SHC3: variants seen among roughly 807,000 people sequenced by gnomAD.
SHC3 encodes SHC-transforming protein 3.
In SHC3, 15 loss-of-function variants were observed where a neutral mutation model predicts 60.4. That is an observed-to-expected ratio of 0.25 (90% CI 0.17 to 0.38). The LOEUF is 0.38. Among genes scored for constraint, SHC3 ranks in the 10% least tolerant of loss-of-function variants. The pLI is 1.00. For missense variants in SHC3, 677 were observed against 786.1 expected (o/e 0.86, Z 1.66); for synonymous variants, 294 against 325.9 (o/e 0.90, Z 1.05).
At position 89,009,163 on chromosome 9, in the gene SHC3, C is replaced by T. The variant is rs1390638270; in HGVS notation, c.*4284G>A. On this transcript the variant is annotated 3_prime_UTR_variant, in exon 12 of 12. Transcript: ENST00000375835. Reference sequence around the variant, plus strand: ...GGCCCTTGCATGGCTCCAGTTTCCTCTTCTGAAAAGCAGGGCCCCCTACTG... The same window carrying T: ...GGCCCTTGCATGGCTCCAGTTTCCTTTTCTGAAAAGCAGGGCCCCCTACTG... 3.9e-5 allele frequency: 6 copies of T among 152,376 alleles called. No individual in the cohort carries two copies. Among genetic ancestry groups the T allele is most frequent in the African/African-American group, 9.7e-5 (4 of 41,436 alleles). 9.4% of individuals were successfully genotyped at this position (152,376 alleles called of 1,614,324 possible). A position where few individuals can be genotyped will look rare whatever the true frequency, so the allele number is the denominator to read the frequency against.
intron 1 of SHC3, among the ~76,000 whole-genome samples, chr9:89,140,445 T>TG (rs1048007915): frequency 1.5e-4 from 23 of 150,672 alleles, no homozygotes; most frequent in Non-Finnish European, 2.4e-4. Flanking sequence ...TGGTGGTGGG[T>TG]GGGGGGGCGC....
intron 7 of SHC3, among the ~76,000 whole-genome samples, chr9:89,049,301 A>T (rs930410251): frequency 2.0e-5 from 3 of 149,532 alleles, no homozygotes; most frequent in Non-Finnish European, 4.5e-5. Flanking sequence ...CAAAACCAGA[A>T]ATGATATGCC....
chr9:89,077,045 C>T (rs528650569), intron 3 of SHC3, among the ~76,000 whole-genome samples: 10 of 152,000 alleles, frequency 6.6e-5, no homozygotes, highest in South Asian at 2.1e-4. Context: ...GGCATGGTGG[C>T]GCACACCTGT....
intron 8 of SHC3, among the ~76,000 whole-genome samples, chr9:89,046,379 C>T (rs1379338658): frequency 6.6e-6 from 1 of 152,092 alleles, no homozygotes; most frequent in Non-Finnish European, 1.5e-5. Flanking sequence ...ACAGAAATAT[C>T]ATAACTCTAG....
At chr9:89,044,642 A>G (rs1194793728) in intron 9 of SHC3, among the ~76,000 whole-genome samples, 1 of 152,188 alleles carries the variant, frequency 6.6e-6, no homozygotes, top group African/African-American at 2.4e-5. Flanking sequence ...TTCTTAAAGG[A>G]TTAGATTGAG....
intron 1 of SHC3, among the ~76,000 whole-genome samples, chr9:89,148,995 G>A (rs1826508275): frequency 6.6e-6 from 1 of 152,216 alleles, no homozygotes; most frequent in Admixed American, 6.5e-5. Flanking sequence ...GGAATGTTAT[G>A]TGTGAACATT....
intron 4 of SHC3, among the ~76,000 whole-genome samples, chr9:89,072,421 G>T (rs1194608068): frequency 6.6e-6 from 1 of 152,048 alleles, no homozygotes; most frequent in Non-Finnish European, 1.5e-5. Context: ...GCTAGAATGG[G>T]GGGAAATGTG....
intron 1 of SHC3, among the ~76,000 whole-genome samples, chr9:89,120,489 A>G (rs748435292): frequency 6.6e-6 from 1 of 152,238 alleles, no homozygotes; most frequent in African/African-American, 2.4e-5. Flanking sequence ...ATTAAAATTA[A>G]CACTGAAAAA....
At chr9:89,177,932 C>T (rs1363291022) in intron 1 of SHC3, 55 bp downstream of exon 1, 1 of 1,172,916 alleles carries the variant, frequency 8.5e-7, no homozygotes, top group East Asian at 3.6e-5. Flanking sequence ...AAGGAGTCTG[C>T]CCCGAACTGG....
At chr9:89,126,625 G>C (rs1826169256) in intron 1 of SHC3, among the ~76,000 whole-genome samples, 1 of 152,108 alleles carries the variant, frequency 6.6e-6, no homozygotes, top group African/African-American at 2.4e-5. Flanking sequence ...GTCTTTCTCT[G>C]GTCTCCCTGG....
intron 11 of SHC3, among the ~76,000 whole-genome samples, chr9:89,019,526 A>C (rs1471422180): frequency 6.6e-6 from 1 of 152,252 alleles, no homozygotes; most frequent in Non-Finnish European, 1.5e-5. Flanking sequence ...AATAAAAAAA[A>C]TCTCCTTGAA....
chr9:89,062,201 G>C (rs1408261396), intron 6 of SHC3, among the ~76,000 whole-genome samples: 2 of 152,188 alleles, frequency 1.3e-5, no homozygotes, highest in Non-Finnish European at 2.9e-5. Context: ...TCACCCGGTA[G>C]TAATGAAAGT....
intron 5 of SHC3, among the ~76,000 whole-genome samples, chr9:89,066,129 T>G (rs1825176573): frequency 6.6e-6 from 1 of 152,192 alleles, no homozygotes; most frequent in Non-Finnish European, 1.5e-5. Context: ...GGTATCAGAA[T>G]CCCCTGCAGG....
intron 11 of SHC3, among the ~76,000 whole-genome samples, chr9:89,014,467 T>G (rs886365407): frequency 6.6e-6 from 1 of 152,144 alleles, no homozygotes; most frequent in Non-Finnish European, 1.5e-5. Flanking sequence ...AGCAGCCACC[T>G]GGCTAGGTCC....
At chr9:89,043,735 C>A (rs894909058) in intron 9 of SHC3, among the ~76,000 whole-genome samples, 1 of 151,700 alleles carries the variant, frequency 6.6e-6, no homozygotes, top group African/African-American at 2.4e-5. Context: ...TCACTGCAAC[C>A]TCCACCTCCC....
At chr9:89,088,664 A>C (rs1370321666) in intron 2 of SHC3, 1 of 152,238 alleles carries the variant, frequency 6.6e-6, no homozygotes, top group Non-Finnish European at 1.5e-5. Context: ...ATCAGTAGAA[A>C]GGTCACCAGA....
intron 1 of SHC3, among the ~76,000 whole-genome samples, chr9:89,136,915 A>T (rs1435626706): frequency 6.6e-6 from 1 of 152,152 alleles, no homozygotes; most frequent in African/African-American, 2.4e-5. Context: ...ATTGACTCAC[A>T]GTTTCACGGG....
intron 6 of SHC3, among the ~76,000 whole-genome samples, chr9:89,054,310 T>C (rs1293111773): frequency 6.6e-6 from 1 of 152,166 alleles, no homozygotes; most frequent in African/African-American, 2.4e-5. Flanking sequence ...AGTAGACCCA[T>C]GGACTCTCGG....
At chr9:89,064,419 G>T (rs137909199) in intron 6 of SHC3, among the ~76,000 whole-genome samples, 1 of 152,146 alleles carries the variant, frequency 6.6e-6, no homozygotes, top group Non-Finnish European at 1.5e-5. Context: ...TTCCCATGTC[G>T]CTGGACAGGA....
Sources: allele counts gnomAD v4.1 joint callset (sites outside exome capture counted in the v4.1 genomes callset), GRCh38; gene constraint gnomAD v4.1.1; transcripts MANE v1.5; gene names NCBI Gene and HGNC (gene_info 2026-07-23, HGNC 2026-07-21).